ANKRD44: variants seen among roughly 807,000 people sequenced by gnomAD.
ANKRD44 encodes the protein serine/threonine-protein phosphatase 6 regulatory ankyrin repeat subunit B.
A neutral mutation model predicts 116.0 loss-of-function variants in ANKRD44; 35 were observed. The observed-to-expected ratio is 0.30, with a 90% CI of 0.23 to 0.40. The LOEUF is 0.40. ANKRD44 is among the 10% of genes least tolerant of loss of function. The pLI, the probability that ANKRD44 is intolerant of heterozygous loss-of-function variation, is 1.00. For synonymous variants in ANKRD44, 435 were observed against 461.8 expected (o/e 0.94, Z 0.74); for missense variants, 1,014 against 1,242.6 (o/e 0.82, Z 2.77).
chr2:197,042,371 G>T (rs1574335308), intron 16 of ANKRD44, among the ~76,000 whole-genome samples: 1 of 152,014 alleles, frequency 6.6e-6, no homozygotes, highest in Non-Finnish European at 1.5e-5. Flanking sequence ...TATTGAATAG[G>T]AAATATCTAC....
At position 196,987,260 on chromosome 2, in the gene ANKRD44, T is replaced by C; in HGVS notation, c.*2331A>G. ...ATAGAAAACTTAAGCATTTTCATAT[T>C]CATTTCAATGCAAGTACAAGGGGAA... On this transcript the variant is annotated 3_prime_UTR_variant, in exon 28 of 28. Transcript: ENST00000282272. 1 of 984,960 alleles carries C rather than the reference T, an allele frequency of 1.0e-6. No homozygotes were observed. The highest frequency in any genetic ancestry group is 1.2e-6 in the Non-Finnish European group (1 of 829,472). 61.0% of individuals were successfully genotyped at this position (984,960 alleles called of 1,614,324 possible).
At chr2:197,045,982 T>C (rs892313335) in intron 16 of ANKRD44, among the ~76,000 whole-genome samples, 4 of 152,232 alleles carry the variant, frequency 2.6e-5, no homozygotes, top group Admixed American at 6.5e-5. Flanking sequence ...TTTCAGTATG[T>C]ACTCTACTAG....
chr2:197,123,860 T>C (rs2376292), intron 6 of ANKRD44, among the ~76,000 whole-genome samples: 2 of 152,028 alleles, frequency 1.3e-5, no homozygotes, highest in Non-Finnish European at 2.9e-5. Context: ...ATAGAAAAAA[T>C]TTTTTTCGAT....
chr2:197,195,334 T>C (rs1003470352), intron 1 of ANKRD44, among the ~76,000 whole-genome samples: 1 of 152,084 alleles, frequency 6.6e-6, no homozygotes, highest in Non-Finnish European at 1.5e-5. Context: ...GAGAAAGGAA[T>C]AGAGTTTTCC....
At chr2:197,153,225 C>CAAAAAAAAAAAA (rs75600123) in intron 2 of ANKRD44, among the ~76,000 whole-genome samples, 7 of 69,330 alleles carry the variant, frequency 1.0e-4, no homozygotes, top group African/African-American at 3.0e-4. Context: ...AAGACCCTGC[C>CAAAAAAAAAAAA]AAAAAAAAAA....
intron 1 of ANKRD44, among the ~76,000 whole-genome samples, chr2:197,281,212 T>C (rs1286948520): frequency 1.3e-5 from 2 of 152,190 alleles, no homozygotes; most frequent in Admixed American, 6.5e-5. Context: ...GATGATCTTA[T>C]ACCAAATGAA....
At chr2:197,194,058 A>G (rs1312277932) in intron 1 of ANKRD44, among the ~76,000 whole-genome samples, 4 of 152,204 alleles carry the variant, frequency 2.6e-5, no homozygotes, top group African/African-American at 9.7e-5. Context: ...AAAAGGAAAA[A>G]TAAGAGATCT....
chr2:197,287,175 G>T (rs1340043213), intron 1 of ANKRD44, among the ~76,000 whole-genome samples: 1 of 152,150 alleles, frequency 6.6e-6, no homozygotes, highest in Non-Finnish European at 1.5e-5. Context: ...GGAGAGGCTG[G>T]TTGTGGGGAC....
At chr2:197,263,437 C>G (rs2082661624) in intron 1 of ANKRD44, 1 of 567,414 alleles carries the variant, frequency 1.8e-6, no homozygotes. Flanking sequence ...TTCTCTGAAA[C>G]AACAGCTCTT....
chr2:197,288,683 TACAC>T (rs755975946), intron 1 of ANKRD44, among the ~76,000 whole-genome samples: 1 of 150,748 alleles, frequency 6.6e-6, no homozygotes, highest in Non-Finnish European at 1.5e-5. Flanking sequence ...CATATACACA[TACAC>T]ACACACACAC....
rs544130933 is a variant in ANKRD44 at position 197,301,893 on chromosome 2, A to C, written c.27+8685T>G. On this transcript the variant is annotated intron_variant, in intron 1 of 27. Transcript: ENST00000282272. Reference sequence around the variant, plus strand: ...TGGGGGGAGTCAAATATATGGTATGAGGGATTTACACTGTGGAGGAAAATA... The same window carrying C: ...TGGGGGGAGTCAAATATATGGTATGCGGGATTTACACTGTGGAGGAAAATA... Among the ~76,000 whole-genome samples the C allele has an allele frequency of 3.3e-5, 5 of 152,350 alleles. No homozygotes were observed. The South Asian group carries it at 1.0e-3, about 32-fold the overall frequency.
chr2:197,131,525 C>T (rs1024398893), intron 4 of ANKRD44, among the ~76,000 whole-genome samples: 3 of 152,196 alleles, frequency 2.0e-5, no homozygotes, highest in African/African-American at 7.2e-5. Context: ...GTAACTACAA[C>T]ACCTACATGG....
chr2:197,054,401 C>T (rs2077166484), intron 16 of ANKRD44, among the ~76,000 whole-genome samples: 1 of 151,868 alleles, frequency 6.6e-6, no homozygotes, highest in Non-Finnish European at 1.5e-5. Context: ...AAAAAATCAT[C>T]AACTATTTTA....
chr2:197,204,114 A>G (rs180810378), intron 1 of ANKRD44, among the ~76,000 whole-genome samples: 1 of 152,336 alleles, frequency 6.6e-6, no homozygotes, highest in Admixed American at 6.5e-5. Flanking sequence ...AATAAAAAAA[A>G]TTATGATACA....
At chr2:197,121,777 T>C (rs2579399) in intron 7 of ANKRD44, among the ~76,000 whole-genome samples, 1 of 152,026 alleles carries the variant, frequency 6.6e-6, no homozygotes, top group African/African-American at 2.4e-5. Flanking sequence ...AGAAGTTTCA[T>C]CCTGGGGAGA....
At chr2:197,127,944 T>G (rs934572706) in intron 4 of ANKRD44, among the ~76,000 whole-genome samples, 1 of 152,194 alleles carries the variant, frequency 6.6e-6, no homozygotes, top group Admixed American at 6.5e-5. Context: ...CTGAGTTAGT[T>G]TGCTAAGGAC....
In ANKRD44 at chr2:197,258,521, G is replaced by A. The variant is rs190842174; in HGVS notation, c.27+52057C>T. 7.0e-4 allele frequency among the ~76,000 whole-genome samples: 106 copies of A among 152,062 alleles called. 6 individuals are homozygous for A. The East Asian group carries it at 7.7e-3, about 11-fold the overall frequency. The stretch of plus-strand genomic sequence containing the variant: ...ACGTTTGAGTTGTTTCCATCTTTTG[G>A]TTATTGTGGATAATGCTGCTATGAA... On this transcript the variant is annotated intron_variant, in intron 1 of 27. Transcript: ENST00000282272.
At chr2:197,100,885 T>C (rs1448938988) in intron 9 of ANKRD44, among the ~76,000 whole-genome samples, 1 of 152,204 alleles carries the variant, frequency 6.6e-6, no homozygotes, top group Non-Finnish European at 1.5e-5. Context: ...TTTTTTTCTC[T>C]CCCTTTTTCG....
chr2:196,989,509 TACAC>T lies in ANKRD44; in HGVS notation c.*78_*81del. 1 of 1,248,740 alleles carries T rather than the reference TACAC, an allele frequency of 8.0e-7. No homozygotes were observed. Among genetic ancestry groups the T allele is most frequent in the Admixed American group, 3.4e-5 (1 of 29,646 alleles). 77.4% of individuals were successfully genotyped at this position (1,248,740 alleles called of 1,614,324 possible). On this transcript the variant is annotated 3_prime_UTR_variant, in exon 28 of 28. Transcript: ENST00000282272. Reference sequence around the variant, plus strand: ...CCTCATGTGTAGCTGGCTGATGAACTACACACACACACACATATATATATATATA... The same window carrying T: ...CCTCATGTGTAGCTGGCTGATGAACTACACACACACATATATATATATATA...
Sources: gnomAD v4.1 joint callset for allele counts (sites outside exome capture counted in the v4.1 genomes callset) on GRCh38, gnomAD v4.1.1 for gene constraint, MANE v1.5 for transcripts, NCBI Gene and HGNC (gene_info 2026-07-23, HGNC 2026-07-21) for gene names.